The following RIDA variants were observed in gnomAD, a reference collection of about 807,000 sequenced individuals.
The protein encoded by RIDA is 2-iminobutanoate/2-iminopropanoate deaminase.
In RIDA, 17 loss-of-function variants were observed where a neutral mutation model predicts 17.8. That is an observed-to-expected ratio of 0.96 (90% CI 0.65 to 1.43). The LOEUF (loss-of-function observed/expected upper bound fraction) is 1.43, where lower values mean the gene tolerates loss of function less well. RIDA is among the 40% of genes most tolerant of loss of function. The pLI is 0.00. For missense variants in RIDA, 158 were observed against 161.7 expected (o/e 0.98, Z 0.12); for synonymous variants, 48 against 55.7 (o/e 0.86, Z 0.62).
chr8:98,107,857 C>G (rs1258887280), intron 2 of RIDA, among the ~76,000 whole-genome samples: 3 of 152,200 alleles, frequency 2.0e-5, no homozygotes, highest in Middle Eastern at 6.8e-3. Flanking sequence ...GCAACCTCCG[C>G]CTTCCGGGTT....
chr8:98,117,142 G>T lies in RIDA; in HGVS notation c.-46C>A. 1 of 1,567,948 alleles carries T rather than the reference G, an allele frequency of 6.4e-7. No homozygotes were observed. The highest frequency in any genetic ancestry group is 8.8e-7 in the Non-Finnish European group (1 of 1,137,798). On this transcript the variant is annotated 5_prime_UTR_variant, in exon 1 of 6. In the 5' UTR this introduces an upstream ATG that the reference lacks. Coordinates refer to ENST00000254878, the MANE Select transcript of RIDA (RefSeq NM_005836.3). ...AGCCCCTTCAGGAGAAGAAGCCCCAGCACCAGCCCTGCTGGCTTCTTACTG... is the reference window on the plus strand; with the variant it reads ...AGCCCCTTCAGGAGAAGAAGCCCCATCACCAGCCCTGCTGGCTTCTTACTG...
intron 1 of RIDA, 96 bp from the exon 2 acceptor site, chr8:98,108,847 T>TAAA (rs34364402): frequency 1.2e-4 from 66 of 529,128 alleles, no homozygotes; most frequent in East Asian, 2.5e-4. Context: ...GTATAAATTG[T>TAAA]AAAAAAAAAA....
At chr8:98,113,400 C>T (rs906896357) in intron 1 of RIDA, among the ~76,000 whole-genome samples, 3 of 152,174 alleles carry the variant, frequency 2.0e-5, no homozygotes, top group African/African-American at 4.8e-5. Flanking sequence ...CAAAAGGTTC[C>T]TAAAACATGT....
intron 1 of RIDA, among the ~76,000 whole-genome samples, chr8:98,113,067 A>C (rs1209335502): frequency 6.6e-6 from 1 of 152,224 alleles, no homozygotes; most frequent in Non-Finnish European, 1.5e-5. Flanking sequence ...TACCAGGTTA[A>C]AGGGTAATCA....
chr8:98,109,395 A>G (rs1459755163), intron 1 of RIDA, among the ~76,000 whole-genome samples: 1 of 152,194 alleles, frequency 6.6e-6, no homozygotes, highest in Non-Finnish European at 1.5e-5. Context: ...GTTAGAGTAC[A>G]TGAAATTTGC....
At chr8:98,111,354 T>G (rs1165675753) in intron 1 of RIDA, among the ~76,000 whole-genome samples, 1 of 152,206 alleles carries the variant, frequency 6.6e-6, no homozygotes, top group Middle Eastern at 3.2e-3. Flanking sequence ...ATGCCTATAA[T>G]CCCAGCACTT....
At chr8:98,108,200 C>T (rs1015456475) in intron 2 of RIDA, among the ~76,000 whole-genome samples, 2 of 152,022 alleles carry the variant, frequency 1.3e-5, no homozygotes, top group African/African-American at 4.8e-5. Flanking sequence ...CAGGTGTGAG[C>T]CACATCGTGC....
chr8:98,102,972 A>G, intron 5 of RIDA, 68 bp from the exon 6 acceptor site: 1 of 1,042,824 alleles, frequency 9.6e-7, no homozygotes, highest in South Asian at 1.4e-5. Context: ...AATACCTACT[A>G]AAAACATGCA....
Position 98,116,192 on chromosome 8 carries a change from A to C in RIDA, c.65+840T>G, listed in dbSNP as rs540694987. 8.5e-4 allele frequency among the ~76,000 whole-genome samples: 129 copies of C among 152,366 alleles called. 2 individuals are homozygous for C. Among genetic ancestry groups the C allele is most frequent in the African/African-American group, 3.0e-3 (125 of 41,590 alleles). Reference sequence around the variant, plus strand: ...AACCAAAGGACTACCTCTCACAAGGAACCTTCCTAAATCTTCTTTTTCCTC... The same window carrying C: ...AACCAAAGGACTACCTCTCACAAGGCACCTTCCTAAATCTTCTTTTTCCTC... On this transcript the variant is annotated intron_variant, in intron 1 of 5. Coordinates refer to ENST00000254878, the MANE Select transcript of RIDA (RefSeq NM_005836.3).
intron 1 of RIDA, among the ~76,000 whole-genome samples, chr8:98,111,016 G>C (rs1815719263): frequency 1.3e-5 from 2 of 152,156 alleles, no homozygotes; most frequent in Non-Finnish European, 2.9e-5. Flanking sequence ...GTGGAACAGT[G>C]AGTCAATTAA....
In RIDA at chr8:98,106,783, A is replaced by G. The variant is rs1039977836; in HGVS notation, c.172-457T>C. On this transcript the variant is annotated intron_variant, in intron 2 of 5. Transcript: ENST00000254878. The stretch of plus-strand genomic sequence containing the variant: ...TGGAGACACTGGCTTCTGGAAAAAC[A>G]TTTATCTTTTTTTGGATTCACTCTT... 2.0e-5 allele frequency among the ~76,000 whole-genome samples: 3 copies of G among 152,174 alleles called. No individual in the cohort carries two copies. The South Asian group carries it at 6.2e-4, about 32-fold the overall frequency.
intron 2 of RIDA, among the ~76,000 whole-genome samples, chr8:98,107,740 G>A (rs1815651482): frequency 6.6e-6 from 1 of 151,332 alleles, no homozygotes; most frequent in Non-Finnish European, 1.5e-5. Context: ...TGGGACTACA[G>A]GCATGTGCCA....
chr8:98,103,880 C>T (rs761904763), intron 5 of RIDA, among the ~76,000 whole-genome samples: 2 of 151,970 alleles, frequency 1.3e-5, no homozygotes, highest in South Asian at 2.1e-4. Flanking sequence ...CCTTGTGATC[C>T]GCCCGCCTCG....
intron 1 of RIDA, among the ~76,000 whole-genome samples, chr8:98,115,326 T>A (rs1232478185): frequency 7.0e-6 from 1 of 143,096 alleles, no homozygotes; most frequent in Non-Finnish European, 1.5e-5. Flanking sequence ...GGGTGGAGGT[T>A]GCAGTGAGCT....
intron 1 of RIDA, among the ~76,000 whole-genome samples, chr8:98,116,784 C>T (rs960989460): frequency 2.0e-5 from 3 of 152,228 alleles, no homozygotes; most frequent in African/African-American, 7.2e-5. Flanking sequence ...AGGCTTCTAA[C>T]TGGGGAGAGC....
chr8:98,115,295 T>C (rs762028395), intron 1 of RIDA, among the ~76,000 whole-genome samples: 29 of 144,738 alleles, frequency 2.0e-4, no homozygotes, highest in Admixed American at 5.8e-4. Flanking sequence ...GGCTGAGACA[T>C]GAGAATCACT....
At chr8:98,103,680 A>G (rs1815591985) in intron 5 of RIDA, among the ~76,000 whole-genome samples, 2 of 151,058 alleles carry the variant, frequency 1.3e-5, no homozygotes, top group Non-Finnish European at 2.9e-5. Flanking sequence ...TCTGTCGCCC[A>G]GGCTGGAGTG....
chr8:98,107,739 A>G (rs1183819572), intron 2 of RIDA, among the ~76,000 whole-genome samples: 1 of 150,270 alleles, frequency 6.7e-6, no homozygotes, highest in Non-Finnish European at 1.5e-5. Context: ...CTGGGACTAC[A>G]GGCATGTGCC....
At chr8:98,103,641 A>ATTT (rs372281324) in intron 5 of RIDA, among the ~76,000 whole-genome samples, 1 of 146,388 alleles carries the variant, frequency 6.8e-6, no homozygotes, top group African/African-American at 2.5e-5. Context: ...TTTTCTCACA[A>ATTT]TTTTTTTTTT....
Sources: allele counts gnomAD v4.1 joint callset (sites outside exome capture counted in the v4.1 genomes callset), GRCh38; gene constraint gnomAD v4.1.1; transcripts MANE v1.5; gene names NCBI Gene and HGNC (gene_info 2026-07-23, HGNC 2026-07-21).